The following PRICKLE1 variants were observed in gnomAD, a reference collection of about 807,000 sequenced individuals.
PRICKLE1 encodes prickle-like protein 1.
A neutral mutation model predicts 70.2 loss-of-function variants in PRICKLE1; 14 were observed. The observed-to-expected ratio is 0.20, with a 90% CI of 0.13 to 0.31. The LOEUF is 0.31. Among genes scored for constraint, PRICKLE1 ranks in the 10% least tolerant of loss-of-function variants. The pLI is 1.00. For missense variants in PRICKLE1, 821 were observed against 1,026.2 expected (o/e 0.80, Z 2.73); for synonymous variants, 357 against 379.9 (o/e 0.94, Z 0.70).
At chr12:42,474,576 G>A (rs1022063378) in intron 1 of PRICKLE1, among the ~76,000 whole-genome samples, 2 of 152,154 alleles carry the variant, frequency 1.3e-5, no homozygotes, top group Non-Finnish European at 2.9e-5. Context: ...TCTTGACTAA[G>A]GAAAGGCTTT....
chr12:42,523,802 C>A (rs1443110413), intron 1 of PRICKLE1, among the ~76,000 whole-genome samples: 1 of 152,200 alleles, frequency 6.6e-6, no homozygotes, highest in Admixed American at 6.5e-5. Flanking sequence ...TGAAATTAAA[C>A]CTTGTCAACC....
chr12:42,463,474 C>T (rs1055181730), intron 7 of PRICKLE1: 1 of 152,024 alleles, frequency 6.6e-6, no homozygotes, highest in South Asian at 2.1e-4. Flanking sequence ...AATCCCAGCA[C>T]TTTGGGAGGC....
intron 1 of PRICKLE1, among the ~76,000 whole-genome samples, chr12:42,562,356 A>C (rs1288767810): frequency 6.6e-6 from 1 of 152,198 alleles, no homozygotes; most frequent in East Asian, 1.9e-4. Flanking sequence ...TGAAAAAGAT[A>C]ATGAAACTCA....
intron 1 of PRICKLE1, among the ~76,000 whole-genome samples, chr12:42,543,036 T>C (rs1316804262): frequency 6.6e-6 from 1 of 152,158 alleles, no homozygotes; most frequent in Non-Finnish European, 1.5e-5. Flanking sequence ...ATAAGGACAC[T>C]GCGACAGGCA....
chr12:42,583,109 A>C (rs887343545), intron 1 of PRICKLE1, among the ~76,000 whole-genome samples: 5 of 151,932 alleles, frequency 3.3e-5, no homozygotes, highest in Admixed American at 6.6e-5. Context: ...TGGTGAAACT[A>C]TACATGGCTT....
At chr12:42,546,324 C>T (rs887339737) in intron 1 of PRICKLE1, among the ~76,000 whole-genome samples, 6 of 152,032 alleles carry the variant, frequency 3.9e-5, no homozygotes, top group Non-Finnish European at 8.8e-5. Flanking sequence ...TATATTGAGA[C>T]AAAATGAGAA....
intron 1 of PRICKLE1, among the ~76,000 whole-genome samples, chr12:42,514,846 T>A (rs775883503): frequency 6.6e-6 from 1 of 152,108 alleles, no homozygotes; most frequent in Non-Finnish European, 1.5e-5. Flanking sequence ...TTTCTCTAGA[T>A]AACATACTGA....
At chr12:42,563,261 T>G (rs1940550861) in intron 1 of PRICKLE1, among the ~76,000 whole-genome samples, 1 of 152,046 alleles carries the variant, frequency 6.6e-6, no homozygotes, top group Non-Finnish European at 1.5e-5. Flanking sequence ...AAACAAAAAC[T>G]TGCCTGTGGC....
intron 1 of PRICKLE1, among the ~76,000 whole-genome samples, chr12:42,574,299 T>A (rs909915510): frequency 2.0e-5 from 3 of 152,156 alleles, no homozygotes; most frequent in Non-Finnish European, 4.4e-5. Flanking sequence ...ACAAAAGCAA[T>A]CCTACTTTCC....
At chr12:42,533,131 T>C (rs1939950448) in intron 1 of PRICKLE1, among the ~76,000 whole-genome samples, 1 of 151,586 alleles carries the variant, frequency 6.6e-6, no homozygotes, top group African/African-American at 2.4e-5. Flanking sequence ...GCTTTAAAAA[T>C]CCATGAATAA....
intron 1 of PRICKLE1, among the ~76,000 whole-genome samples, chr12:42,510,293 A>C (rs1160678881): frequency 6.6e-6 from 1 of 151,912 alleles, no homozygotes; most frequent in Admixed American, 6.6e-5. Flanking sequence ...ATGGGGTTTC[A>C]CCATGTTAGC....
At chr12:42,507,120 G>A (rs1463423683) in intron 1 of PRICKLE1, among the ~76,000 whole-genome samples, 1 of 152,138 alleles carries the variant, frequency 6.6e-6, no homozygotes, top group Non-Finnish European at 1.5e-5. Context: ...AAGCTTTTGA[G>A]GTGAGTGCTG....
At chr12:42,482,092 G>A (rs1320680246) in intron 1 of PRICKLE1, among the ~76,000 whole-genome samples, 1 of 151,988 alleles carries the variant, frequency 6.6e-6, no homozygotes, top group African/African-American at 2.4e-5. Context: ...CAGCATTTTC[G>A]AGGTAAACCT....
At chr12:42,465,406 GA>G (rs140975990) in intron 6 of PRICKLE1, 148 bp from the exon 7 acceptor site, 19 of 739,838 alleles carry the variant, frequency 2.6e-5, no homozygotes, top group Non-Finnish European at 3.9e-5. Context: ...ATTCTTTGTG[GA>G]TTCTGTATTT....
Position 42,553,489 on chromosome 12 carries a change from T to C in PRICKLE1, c.-49+35976A>G, listed in dbSNP as rs148870174. ...TCTCCAAACAATAAGTCCATTGTGT[T>C]GTGTTACTGAAAGGCAAATTGGCTC... is the stretch of plus-strand genomic sequence containing the variant. On this transcript the variant is annotated intron_variant, in intron 1 of 7. Coordinates refer to ENST00000345127, the MANE Select transcript of PRICKLE1 (RefSeq NM_153026.3). Among the ~76,000 whole-genome samples the C allele has an allele frequency of 4.1e-3, 554 of 133,912 alleles. 9 individuals are homozygous for C. The South Asian group carries it at 0.05, about 12-fold the overall frequency. 87.9% of individuals were successfully genotyped at this position (133,912 alleles called of 152,430 possible). A position where few individuals can be genotyped will look rare whatever the true frequency, so the allele number is the denominator to read the frequency against.
intron 2 of PRICKLE1, among the ~76,000 whole-genome samples, chr12:42,470,878 C>T (rs1449357928): frequency 2.0e-5 from 3 of 151,660 alleles, no homozygotes; most frequent in Non-Finnish European, 2.9e-5. Context: ...TGCACTCCAG[C>T]CTGAGTGACA....
At chr12:42,485,249 T>G (rs1047229834) in intron 1 of PRICKLE1, 13 of 123,946 alleles carry the variant, frequency 1.0e-4, no homozygotes, top group Admixed American at 7.5e-4. Context: ...GTTTTTTTTT[T>G]TTTTTTTTTT....
intron 1 of PRICKLE1, among the ~76,000 whole-genome samples, chr12:42,475,867 G>A (rs12227962): frequency 6.8e-6 from 1 of 148,056 alleles, no homozygotes; most frequent in African/African-American, 2.5e-5. Context: ...CTGGGGGGGG[G>A]CGGGGGCAGA....
intron 1 of PRICKLE1, among the ~76,000 whole-genome samples, chr12:42,586,976 A>G (rs773789641): frequency 1.3e-5 from 2 of 152,196 alleles, no homozygotes; most frequent in Non-Finnish European, 2.9e-5. Flanking sequence ...TATTAACCCT[A>G]TAGGAGATCT....
Sources: gnomAD v4.1 joint callset for allele counts (sites outside exome capture counted in the v4.1 genomes callset) on GRCh38, gnomAD v4.1.1 for gene constraint, MANE v1.5 for transcripts, NCBI Gene and HGNC (gene_info 2026-07-23, HGNC 2026-07-21) for gene names.